The following EYA2 variants were observed in gnomAD, a reference collection of about 807,000 sequenced individuals.
EYA2 encodes the protein EYA transcriptional coactivator and phosphatase 2, also known as protein phosphatase EYA2.
EYA2 carries 31 observed loss-of-function variants against 69.2 expected under a neutral mutation model. The ratio of observed to expected loss-of-function variants is 0.45; its 90% confidence interval spans 0.34 to 0.60. EYA2 has a LOEUF of 0.60. EYA2 is among the 20% of genes least tolerant of loss of function. The probability of loss-of-function intolerance (pLI) is 0.02; values close to 1 mark genes in which losing one functional copy is unlikely to be tolerated. For missense variants in EYA2, 622 were observed against 701.2 expected, an observed-to-expected ratio of 0.89 and a Z score of 1.28; for synonymous variants, 257 against 279.4, an observed-to-expected ratio of 0.92 and a Z score of 0.80.
chr20:46,954,310 C>T (rs1193470722), intron 1 of EYA2, among the ~76,000 whole-genome samples: 2 of 152,080 alleles, frequency 1.3e-5, no homozygotes, highest in East Asian at 1.9e-4. Flanking sequence ...CCTAGAACAA[C>T]GATCGGCACA....
chr20:46,993,066 C>T (rs1271707306), intron 2 of EYA2, among the ~76,000 whole-genome samples: 1 of 152,138 alleles, frequency 6.6e-6, no homozygotes, highest in African/African-American at 2.4e-5. Context: ...AAGAAGCCCC[C>T]CAGTGGCTTC....
chr20:46,903,145 T>C (rs1269791005), intron 1 of EYA2, among the ~76,000 whole-genome samples: 1 of 152,170 alleles, frequency 6.6e-6, no homozygotes, highest in Non-Finnish European at 1.5e-5. Context: ...GAGCCAGAGG[T>C]GAGAAGGACC....
At chr20:47,015,237 T>C (rs553007292) in intron 4 of EYA2, among the ~76,000 whole-genome samples, 1 of 152,352 alleles carries the variant, frequency 6.6e-6, no homozygotes, top group African/African-American at 2.4e-5. Flanking sequence ...TGGAATTTTC[T>C]ACAATGCATT....
intron 9 of EYA2, among the ~76,000 whole-genome samples, chr20:47,121,845 A>G (rs2033054112): frequency 6.6e-6 from 1 of 151,992 alleles, no homozygotes; most frequent in African/African-American, 2.4e-5. Context: ...CAGAACTCCA[A>G]AGGCCATTCT....
intron 1 of EYA2, among the ~76,000 whole-genome samples, chr20:46,912,251 C>T (rs931933746): frequency 3.3e-5 from 5 of 152,162 alleles, no homozygotes; most frequent in South Asian, 4.2e-4. Flanking sequence ...AACTGCTAAC[C>T]GTGGTCTACC....
intron 11 of EYA2, among the ~76,000 whole-genome samples, chr20:47,169,523 C>G (rs1450833926): frequency 2.0e-5 from 3 of 152,164 alleles, no homozygotes; most frequent in African/African-American, 7.2e-5. Context: ...TAAAAAATCA[C>G]AACCTCACCC....
At chr20:47,051,719 T>C (rs1288452197) in intron 5 of EYA2, among the ~76,000 whole-genome samples, 1 of 152,160 alleles carries the variant, frequency 6.6e-6, no homozygotes, top group Non-Finnish European at 1.5e-5. Flanking sequence ...CCTCAGCCCC[T>C]CCTGACTCAT....
At chr20:46,979,395 T>C (rs79448259) in intron 1 of EYA2, 1,637 of 152,376 alleles carry the variant, frequency 0.011, 32 homozygotes, top group East Asian at 0.098. Flanking sequence ...AATGCCTCTT[T>C]CTTCCCGCTC....
chr20:47,147,491 G>A (rs773481731), intron 10 of EYA2, among the ~76,000 whole-genome samples: 13 of 152,204 alleles, frequency 8.5e-5, no homozygotes, highest in Non-Finnish European at 1.6e-4. Context: ...CAGAAACTGG[G>A]AGGAAACCAG....
intron 1 of EYA2, among the ~76,000 whole-genome samples, chr20:46,982,232 A>G (rs962742930): frequency 7.9e-5 from 12 of 152,062 alleles, no homozygotes; most frequent in Non-Finnish European, 1.5e-5. Context: ...ATTTTGAAGT[A>G]TTTTTTTGCT....
chr20:46,924,542 C>T (rs1235398674), intron 1 of EYA2, among the ~76,000 whole-genome samples: 6 of 151,970 alleles, frequency 3.9e-5, no homozygotes, highest in Admixed American at 1.3e-4. Context: ...TGGTGGCGGG[C>T]GCCTGTAGTC....
intron 10 of EYA2, among the ~76,000 whole-genome samples, chr20:47,153,747 C>T (rs775107070): frequency 6.6e-5 from 10 of 151,882 alleles, no homozygotes; most frequent in Admixed American, 1.3e-4. Flanking sequence ...TGGCTGTATC[C>T]GGGTGAGTGC....
intron 9 of EYA2, among the ~76,000 whole-genome samples, chr20:47,122,209 A>G (rs1048443909): frequency 7.3e-5 from 11 of 151,562 alleles, no homozygotes; most frequent in Non-Finnish European, 1.6e-4. Context: ...TCATCTCCCT[A>G]ACATTAATGT....
At chr20:47,049,076 C>T (rs748862014) in intron 5 of EYA2, among the ~76,000 whole-genome samples, 22 of 152,218 alleles carry the variant, frequency 1.4e-4, no homozygotes, top group Admixed American at 6.5e-5. Context: ...GTCACTTGCA[C>T]AGGGTCACAT....
chr20:47,145,485 C>T (rs1392694517), intron 10 of EYA2, among the ~76,000 whole-genome samples: 2 of 152,136 alleles, frequency 1.3e-5, no homozygotes, highest in Non-Finnish European at 1.5e-5. Flanking sequence ...GCAATCGAAG[C>T]TCATTCTAAG....
chr20:46,923,836 C>T (rs1001221952), intron 1 of EYA2, among the ~76,000 whole-genome samples: 17 of 152,180 alleles, frequency 1.1e-4, no homozygotes, highest in African/African-American at 4.1e-4. Context: ...AAAACCTGCA[C>T]TCTTGTTTAC....
Position 47,179,807 on chromosome 20 carries a change from G to A in EYA2, c.1208G>A (p.Gly403Asp), listed in dbSNP as rs1437533798. 1.2e-6 allele frequency: 2 copies of A among 1,612,550 alleles called. No homozygotes were observed. The highest frequency in any genetic ancestry group is 8.5e-7 in the Non-Finnish European group (1 of 1,178,834). The part of the protein sequence containing the change: ...TYKNNVGGLI[G>D]TPKRETWLQL... Reference sequence around the variant, plus strand: ...TTTCCTTTGTCCACAGGGTTGATAGGCACTCCCAAAAGGGAGACCTGGCTA... The same window carrying A: ...TTTCCTTTGTCCACAGGGTTGATAGACACTCCCAAAAGGGAGACCTGGCTA... Residue 403 changes from glycine (G) to aspartate (D), a missense_variant, in exon 13 of 16, where the codon GGC becomes GAC. Transcript: ENST00000327619.
At chr20:47,089,473 G>A in intron 8 of EYA2, 92 bp downstream of exon 8, 2 of 1,395,352 alleles carry the variant, frequency 1.4e-6, no homozygotes, top group Non-Finnish European at 2.0e-6. Flanking sequence ...CAAGTACGAG[G>A]CGGAGAATCG....
At chr20:47,073,425 T>C (rs2031388699) in intron 6 of EYA2, among the ~76,000 whole-genome samples, 1 of 152,040 alleles carries the variant, frequency 6.6e-6, no homozygotes. Context: ...ACATAAAATG[T>C]CACCTAGTCT....
Sources: allele counts gnomAD v4.1 joint callset (sites outside exome capture counted in the v4.1 genomes callset), GRCh38; gene constraint gnomAD v4.1.1; transcripts MANE v1.5; gene names NCBI Gene and HGNC (gene_info 2026-07-23, HGNC 2026-07-21).